The following MOB3B variants were observed in gnomAD, a reference collection of about 807,000 sequenced individuals.
MOB3B encodes the protein MOB kinase activator-like 2B.
A neutral mutation model predicts 18.7 loss-of-function variants in MOB3B; 7 were observed. The observed-to-expected ratio is 0.37, with a 90% CI of 0.21 to 0.70. The LOEUF is 0.70. Ranked by LOEUF, MOB3B falls within the 30% of genes least tolerant of loss-of-function variation. The probability of loss-of-function intolerance (pLI) is 0.52; values close to 1 mark genes in which losing one functional copy is unlikely to be tolerated. For missense variants in MOB3B, 253 were observed against 281.3 expected, an observed-to-expected ratio of 0.90 and a Z score of 0.72; for synonymous variants, 111 against 99.9, an observed-to-expected ratio of 1.11 and a Z score of -0.66.
At chr9:27,333,823 C>T (rs73431165) in intron 3 of MOB3B, among the ~76,000 whole-genome samples, 3,006 of 152,244 alleles carry the variant, frequency 0.02, 91 homozygotes, top group African/African-American at 0.068. Context: ...CCTCTGAAGC[C>T]TGTCAAAGAA....
intron 2 of MOB3B, chr9:27,378,740 C>A (rs1821529153): frequency 2.2e-6 from 1 of 463,456 alleles, no homozygotes; most frequent in South Asian, 1.6e-5. Flanking sequence ...GGGCATGTGA[C>A]CAAAGTGATA....
At chr9:27,475,864 G>A (rs551540864) in intron 1 of MOB3B, among the ~76,000 whole-genome samples, 3 of 152,234 alleles carry the variant, frequency 2.0e-5, no homozygotes, top group Non-Finnish European at 4.4e-5. Flanking sequence ...TCTCTTTACA[G>A]CTGCCATTGA....
chr9:27,464,788 G>T (rs980107647), intron 1 of MOB3B, among the ~76,000 whole-genome samples: 1 of 152,018 alleles, frequency 6.6e-6, no homozygotes, highest in Non-Finnish European at 1.5e-5. Flanking sequence ...AGCAGCAAGA[G>T]AAAAATGAGG....
chr9:27,332,714 A>G (rs770192879), intron 3 of MOB3B, among the ~76,000 whole-genome samples: 8 of 152,212 alleles, frequency 5.3e-5, no homozygotes, highest in Admixed American at 6.5e-5. Flanking sequence ...CTACTGCTAT[A>G]CAGATATTAT....
intron 1 of MOB3B, among the ~76,000 whole-genome samples, chr9:27,529,104 G>A (rs569485418): frequency 6.6e-6 from 1 of 152,312 alleles, no homozygotes; most frequent in South Asian, 2.1e-4. Context: ...CTCAGGATCA[G>A]GACGCCCAAG....
intron 2 of MOB3B, among the ~76,000 whole-genome samples, chr9:27,371,714 C>T (rs932615575): frequency 8.6e-5 from 13 of 152,046 alleles, no homozygotes; most frequent in Non-Finnish European, 1.3e-4. Context: ...TGGACTGTGC[C>T]AGCCTGGAGA....
At chr9:27,458,659 T>C (rs1345422952) in intron 1 of MOB3B, among the ~76,000 whole-genome samples, 1 of 145,090 alleles carries the variant, frequency 6.9e-6, no homozygotes, top group Non-Finnish European at 1.5e-5. Flanking sequence ...CAAACGATCC[T>C]CCTGTCTCAG....
chr9:27,367,834 C>G (rs1281895160), intron 2 of MOB3B, among the ~76,000 whole-genome samples: 1 of 152,180 alleles, frequency 6.6e-6, no homozygotes, highest in Non-Finnish European at 1.5e-5. Context: ...AGCATGTGAA[C>G]TGTCCAAGGA....
rs1420289491 is a variant in MOB3B at position 27,326,909 on chromosome 9, T to C, written c.*3678A>G. On this transcript the variant is annotated 3_prime_UTR_variant, in exon 4 of 4. Coordinates refer to ENST00000262244, the MANE Select transcript of MOB3B (RefSeq NM_024761.5). ...GAGGGTCACAACTCACTGTACTATC[T>C]AAGAGTTTTCCCAAAAAAACCATCT... 4.7e-6 allele frequency: 1 copy of C among 213,022 alleles called. No individual in the cohort carries two copies. Among genetic ancestry groups the C allele is most frequent in the African/African-American group, 2.3e-5 (1 of 43,856 alleles). The allele number at this position is 213,022 out of a possible 1,614,324, so 13.2% of individuals were successfully genotyped here. A position where few individuals can be genotyped will look rare whatever the true frequency, so the allele number is the denominator to read the frequency against.
In MOB3B at chr9:27,481,791, C is replaced by A. The variant is rs181238882; in HGVS notation, c.-198-26043G>T. 3.0e-4 allele frequency among the ~76,000 whole-genome samples: 46 copies of A among 152,156 alleles called. No homozygotes were observed. In the East Asian group the frequency reaches 8.7e-3, roughly 29 times the overall value. On this transcript the variant is annotated intron_variant, in intron 1 of 3. Coordinates refer to ENST00000262244, the MANE Select transcript of MOB3B (RefSeq NM_024761.5). ...CTGCCCGCCTCGGCCTCCCAAAGTG[C>A]AAGGATTACAGGCGTGAGCCACCGC...
intron 2 of MOB3B, 146 bp from the exon 3 acceptor site, chr9:27,359,382 G>GT (rs60887148): frequency 0.013 from 7,829 of 607,530 alleles, 510 homozygotes; most frequent in African/African-American, 0.092. Context: ...TGTGTGTGGG[G>GT]GGGGGGGGTT....
intron 3 of MOB3B, among the ~76,000 whole-genome samples, chr9:27,355,562 CTTT>C (rs11339453): frequency 5.3e-5 from 7 of 132,006 alleles, no homozygotes; most frequent in Non-Finnish European, 4.8e-5. Flanking sequence ...TCTTTTTCTT[CTTT>C]TTTTTTTTTT....
chr9:27,378,334 A>G (rs1303150478), intron 2 of MOB3B: 2 of 471,238 alleles, frequency 4.2e-6, no homozygotes, highest in South Asian at 1.5e-5. Flanking sequence ...GGACATGGGT[A>G]AAAAGGGACA....
chr9:27,364,399 A>T (rs141330964), intron 2 of MOB3B, among the ~76,000 whole-genome samples: 7 of 152,316 alleles, frequency 4.6e-5, no homozygotes, highest in Non-Finnish European at 1.0e-4. Flanking sequence ...AAAAGAGAGG[A>T]TTCTGAGACC....
intron 2 of MOB3B, among the ~76,000 whole-genome samples, chr9:27,415,053 G>C (rs926740989): frequency 4.0e-5 from 6 of 151,682 alleles, no homozygotes; most frequent in African/African-American, 1.2e-4. Context: ...GTAGGGACGG[G>C]GTTTCACCAT....
rs75011019 is a variant in MOB3B, at chr9:27,482,047, A to G, written c.-198-26299T>C. Among the ~76,000 whole-genome samples, 72 of 152,332 alleles carry G rather than the reference A, an allele frequency of 4.7e-4. 1 individual carries two copies. Among genetic ancestry groups the G allele is most frequent in the Middle Eastern group, 3.4e-3 (1 of 294 alleles). ...GATAAGATGAAACAAATGAACGAAA[A>G]GCACGGTAAATAAAATGCAAAAACA... On this transcript the variant is annotated intron_variant, in intron 1 of 3. Coordinates refer to ENST00000262244, the MANE Select transcript of MOB3B (RefSeq NM_024761.5).
chr9:27,365,305 G>A (rs1183331641), intron 2 of MOB3B, among the ~76,000 whole-genome samples: 1 of 151,790 alleles, frequency 6.6e-6, no homozygotes, highest in Non-Finnish European at 1.5e-5. Flanking sequence ...ATCCAGCCTA[G>A]GGTGTGGAAA....
intron 1 of MOB3B, among the ~76,000 whole-genome samples, chr9:27,501,019 A>G (rs1458659874): frequency 6.6e-6 from 1 of 152,244 alleles, no homozygotes; most frequent in Non-Finnish European, 1.5e-5. Flanking sequence ...ATCACTGGTC[A>G]TTAGAGAACT....
At chr9:27,343,478 TAAA>T (rs779124158) in intron 3 of MOB3B, among the ~76,000 whole-genome samples, 3 of 84,310 alleles carry the variant, frequency 3.6e-5, no homozygotes, top group Non-Finnish European at 2.2e-5. Flanking sequence ...CAATAAATAC[TAAA>T]AAAAAAAAAA....
Sources: allele counts gnomAD v4.1 joint callset (sites outside exome capture counted in the v4.1 genomes callset), GRCh38; gene constraint gnomAD v4.1.1; transcripts MANE v1.5; gene names NCBI Gene and HGNC (gene_info 2026-07-23, HGNC 2026-07-21).